The following PLCL1 variants were observed in gnomAD, a reference collection of about 807,000 sequenced individuals.
PLCL1 encodes inactive phospholipase C-like protein 1.
A neutral mutation model predicts 84.4 loss-of-function variants in PLCL1; 41 were observed. The ratio of observed to expected loss-of-function variants is 0.49; its 90% confidence interval spans 0.38 to 0.63. The LOEUF (loss-of-function observed/expected upper bound fraction) is 0.63, where lower values mean the gene tolerates loss of function less well. Among genes scored for constraint, PLCL1 ranks in the 30% least tolerant of loss-of-function variants. The pLI, the probability that PLCL1 is intolerant of heterozygous loss-of-function variation, is 0.00. For synonymous variants in PLCL1, 490 were observed against 488.3 expected (o/e 1.00, Z -0.05); for missense variants, 1,206 against 1,367.8 (o/e 0.88, Z 1.87).
chr2:197,875,247 C>T (rs796875738), intron 1 of PLCL1, among the ~76,000 whole-genome samples: 9 of 152,102 alleles, frequency 5.9e-5, no homozygotes, highest in African/African-American at 1.9e-4. Flanking sequence ...GATCACACCA[C>T]TGTACTCCAG....
At chr2:197,825,526 C>T (rs1690910535) in intron 1 of PLCL1, among the ~76,000 whole-genome samples, 1 of 152,184 alleles carries the variant, frequency 6.6e-6, no homozygotes, top group African/African-American at 2.4e-5. Context: ...TCTTCTGTAG[C>T]TCCTACTAAG....
intron 1 of PLCL1, among the ~76,000 whole-genome samples, chr2:197,969,123 G>C (rs1294170774): frequency 6.6e-6 from 1 of 152,152 alleles, no homozygotes; most frequent in Non-Finnish European, 1.5e-5. Context: ...TCTAATGCCT[G>C]ATGATCTGAA....
intron 1 of PLCL1, among the ~76,000 whole-genome samples, chr2:197,961,238 G>GGAGAGAGAGAGAGAGAGAGAGAGAGA (rs60411488): frequency 4.1e-5 from 6 of 145,990 alleles, no homozygotes; most frequent in Non-Finnish European, 6.0e-5. Context: ...TTGGGAAGGT[G>GGAGAGAGAGAGAGAGAGAGAGAGAGA]GAGAGAGAGA....
intron 1 of PLCL1, among the ~76,000 whole-genome samples, chr2:197,992,344 A>G (rs1237443379): frequency 6.6e-6 from 1 of 152,060 alleles, no homozygotes; most frequent in Admixed American, 6.6e-5. Context: ...GGCTCACTGC[A>G]GCCTTGACCT....
chr2:197,969,802 C>T (rs1689823705), intron 1 of PLCL1, among the ~76,000 whole-genome samples: 1 of 152,208 alleles, frequency 6.6e-6, no homozygotes, highest in Non-Finnish European at 1.5e-5. Context: ...TGCTCAACTC[C>T]TACTTTTCCT....
At chr2:198,090,532 G>T (rs777943480) in intron 3 of PLCL1, among the ~76,000 whole-genome samples, 7 of 152,022 alleles carry the variant, frequency 4.6e-5, no homozygotes, top group Non-Finnish European at 8.8e-5. Flanking sequence ...AACATTCTAC[G>T]AATGAAAAAG....
intron 1 of PLCL1, among the ~76,000 whole-genome samples, chr2:198,050,530 A>AT (rs1416363082): frequency 1.5e-5 from 2 of 135,702 alleles, no homozygotes; most frequent in Admixed American, 7.5e-5. Context: ...CTTGAGATTG[A>AT]TAAAAAAAAA....
At chr2:197,868,560 G>T (rs112880538) in intron 1 of PLCL1, among the ~76,000 whole-genome samples, 2,219 of 152,098 alleles carry the variant, frequency 0.015, 61 homozygotes, top group African/African-American at 0.051. Flanking sequence ...GAGTGCAGTG[G>T]CACGATCATA....
chr2:197,830,882 A>G (rs1250844851), intron 1 of PLCL1, among the ~76,000 whole-genome samples: 1 of 152,184 alleles, frequency 6.6e-6, no homozygotes, highest in Non-Finnish European at 1.5e-5. Flanking sequence ...ATTCTTAAAG[A>G]ATTTTCAACC....
At chr2:198,122,875 T>C (rs1382585516) in intron 5 of PLCL1, among the ~76,000 whole-genome samples, 1 of 152,130 alleles carries the variant, frequency 6.6e-6, no homozygotes, top group Non-Finnish European at 1.5e-5. Context: ...TAAATTCTAA[T>C]AGCAATTATG....
chr2:197,923,885 C>T (rs970849292), intron 1 of PLCL1, among the ~76,000 whole-genome samples: 2 of 151,298 alleles, frequency 1.3e-5, no homozygotes, highest in East Asian at 2.0e-4. Flanking sequence ...ACTGAGTGAA[C>T]GAGACTCCGT....
intron 1 of PLCL1, among the ~76,000 whole-genome samples, chr2:198,083,502 A>G (rs1692771814): frequency 1.3e-5 from 2 of 152,186 alleles, no homozygotes; most frequent in Admixed American, 6.5e-5. Flanking sequence ...AACAAATCAG[A>G]GTGATTTGTA....
intron 5 of PLCL1, among the ~76,000 whole-genome samples, chr2:198,113,089 T>C (rs78262081): frequency 0.04 from 6,022 of 152,034 alleles, 181 homozygotes; most frequent in Non-Finnish European, 0.063. Flanking sequence ...AAGTTTGATA[T>C]ATTTATCCGT....
chr2:197,960,853 G>T (rs1409140115), intron 1 of PLCL1, among the ~76,000 whole-genome samples: 1 of 152,072 alleles, frequency 6.6e-6, no homozygotes, highest in Non-Finnish European at 1.5e-5. Flanking sequence ...ATGCATTTAA[G>T]ATGTATAGCA....
At chr2:197,991,507 G>A (rs1244804699) in intron 1 of PLCL1, among the ~76,000 whole-genome samples, 1 of 151,982 alleles carries the variant, frequency 6.6e-6, no homozygotes, top group East Asian at 1.9e-4. Flanking sequence ...TCATTATAAA[G>A]CAACTTTATT....
chr2:197,996,396 C>G (rs1457497123), intron 1 of PLCL1, among the ~76,000 whole-genome samples: 1 of 152,010 alleles, frequency 6.6e-6, no homozygotes, highest in Non-Finnish European at 1.5e-5. Flanking sequence ...TGTCAAAAGT[C>G]ATAGAACTAC....
At position 198,139,952 on chromosome 2, in the gene PLCL1, G is replaced by A. The variant is rs77944932; in HGVS notation, c.3106-6828G>A. On this transcript the variant is annotated intron_variant, in intron 5 of 5. Coordinates refer to ENST00000428675, the MANE Select transcript of PLCL1 (RefSeq NM_006226.4). ...ATTTCATACTTTTTTTTTTTTCCCCGAGATGGAGTCATGCTCTGTCACCCA... is the reference window on the plus strand; with the variant it reads ...ATTTCATACTTTTTTTTTTTTCCCCAAGATGGAGTCATGCTCTGTCACCCA... Among the ~76,000 whole-genome samples, 15 of 150,404 alleles carry A rather than the reference G, an allele frequency of 1.0e-4. No individual in the cohort carries two copies. The East Asian group carries it at 2.3e-3, about 23-fold the overall frequency.
intron 5 of PLCL1, among the ~76,000 whole-genome samples, chr2:198,115,383 T>A (rs1693719987): frequency 6.6e-6 from 1 of 151,728 alleles, no homozygotes. Flanking sequence ...ATGTCACAGA[T>A]AAACAAGGGA....
chr2:198,122,783 TAAC>T (rs1640209057), intron 5 of PLCL1, among the ~76,000 whole-genome samples: 1 of 152,150 alleles, frequency 6.6e-6, no homozygotes, highest in South Asian at 2.1e-4. Context: ...AAAATACACT[TAAC>T]AACAAATAAT....
Sources: gnomAD v4.1 joint callset for allele counts (sites outside exome capture counted in the v4.1 genomes callset) on GRCh38, gnomAD v4.1.1 for gene constraint, MANE v1.5 for transcripts, NCBI Gene and HGNC (gene_info 2026-07-23, HGNC 2026-07-21) for gene names.